The following ZMIZ1 variants were observed in gnomAD, a reference collection of about 807,000 sequenced individuals.
The protein encoded by ZMIZ1 is zinc finger MIZ-type containing 1.
Under a neutral mutation model 113.9 loss-of-function variants are expected in ZMIZ1, and 17 were observed. The observed-to-expected ratio is 0.15, with a 90% CI of 0.10 to 0.22. ZMIZ1 has a LOEUF of 0.22. ZMIZ1 is among the 10% of genes least tolerant of loss of function. The pLI is 1.00. For missense variants in ZMIZ1, 1,059 were observed against 1,477.8 expected (o/e 0.72, Z 4.65); for synonymous variants, 607 against 603.1 (o/e 1.01, Z -0.09).
At chr10:79,311,294 T>TGGGGGGGGGGGGGGG in intron 24 of ZMIZ1, 110 bp downstream of exon 24, 1 of 99,150 alleles carries the variant, frequency 1.0e-5, no homozygotes, top group Non-Finnish European at 1.9e-5. Flanking sequence ...AGGAGGTGGG[T>TGGGGGGGGGGGGGGG]GGGCGGTGGG....
At chr10:79,258,401 AGAAG>A (rs1851051076) in intron 7 of ZMIZ1, among the ~76,000 whole-genome samples, 2 of 152,252 alleles carry the variant, frequency 1.3e-5, no homozygotes, top group South Asian at 4.1e-4. Flanking sequence ...AAAAAAAAGA[AGAAG>A]AAGAAGAAAA....
chr10:79,218,607 C>G (rs4990108), intron 7 of ZMIZ1, among the ~76,000 whole-genome samples: 25,663 of 108,238 alleles, frequency 0.24, 3,027 homozygotes, highest in African/African-American at 0.4. Context: ...GTGTGTGTGT[C>G]TGTCTGTCTG....
intron 7 of ZMIZ1, among the ~76,000 whole-genome samples, chr10:79,224,874 G>A (rs914516857): frequency 6.6e-6 from 1 of 152,212 alleles, no homozygotes; most frequent in African/African-American, 2.4e-5. Context: ...GAGGAAATGA[G>A]ATGGGGAAGG....
At chr10:79,285,492 C>A in intron 8 of ZMIZ1, 1 of 456,076 alleles carries the variant, frequency 2.2e-6, no homozygotes, top group Non-Finnish European at 4.4e-6. Flanking sequence ...GCAGTGGTTT[C>A]ATCGCTTCCC....
chr10:79,301,229 C>G (rs1854279047), intron 17 of ZMIZ1, among the ~76,000 whole-genome samples: 1 of 152,198 alleles, frequency 6.6e-6, no homozygotes, highest in Non-Finnish European at 1.5e-5. Context: ...CGATTCACCC[C>G]TCCTGGCCCC....
intron 7 of ZMIZ1, among the ~76,000 whole-genome samples, chr10:79,254,889 C>T (rs1426079401): frequency 6.6e-6 from 1 of 152,208 alleles, no homozygotes; most frequent in Non-Finnish European, 1.5e-5. Context: ...CCGATGGCCC[C>T]CATCCACTCT....
chr10:79,228,026 C>A (rs1229454347), intron 7 of ZMIZ1, among the ~76,000 whole-genome samples: 1 of 152,110 alleles, frequency 6.6e-6, no homozygotes. Flanking sequence ...GCCTCTGTCT[C>A]ACCATTCCCA....
Position 79,304,186 on chromosome 10 carries a change from C to G in ZMIZ1, c.2286+11C>G. On this transcript the variant is annotated intron_variant, in intron 19 of 24. Coordinates refer to ENST00000334512, the MANE Select transcript of ZMIZ1 (RefSeq NM_020338.4). ...TGCAAGCATGTGCAGGTGAGCGGCCCCAGAAAGCACAGCTCTGGCAAGCCA... is the reference window on the plus strand; with the variant it reads ...TGCAAGCATGTGCAGGTGAGCGGCCGCAGAAAGCACAGCTCTGGCAAGCCA... The G allele has an allele frequency of 6.2e-7, 1 of 1,609,450 alleles. No individual in the cohort carries two copies. The highest frequency in any genetic ancestry group is 8.5e-7 in the Non-Finnish European group (1 of 1,176,620).
intron 7 of ZMIZ1, among the ~76,000 whole-genome samples, chr10:79,271,252 G>A (rs540781836): frequency 6.6e-6 from 1 of 152,366 alleles, no homozygotes; most frequent in South Asian, 2.1e-4. Flanking sequence ...GAGATGCAAA[G>A]TCCCAGGACC....
At chr10:79,297,006 A>G (rs985327746) in intron 13 of ZMIZ1, 9 of 201,930 alleles carry the variant, frequency 4.5e-5, no homozygotes, top group Admixed American at 2.3e-4. Context: ...GGGCACTAAC[A>G]TGTTATAAAA....
At chr10:79,079,123 C>G (rs538944981) in intron 1 of ZMIZ1, among the ~76,000 whole-genome samples, 28 of 152,210 alleles carry the variant, frequency 1.8e-4, no homozygotes, top group Non-Finnish European at 2.9e-4. Flanking sequence ...GCCTCCTTGT[C>G]TTTTCTTTTT....
intron 1 of ZMIZ1, among the ~76,000 whole-genome samples, chr10:79,116,270 T>C (rs573237334): frequency 6.6e-6 from 1 of 152,172 alleles, no homozygotes; most frequent in South Asian, 2.1e-4. Flanking sequence ...CATCACAGTA[T>C]GGCTGGGGGT....
chr10:79,269,068 C>T (rs1437808660), intron 7 of ZMIZ1, among the ~76,000 whole-genome samples: 3 of 151,988 alleles, frequency 2.0e-5, no homozygotes, highest in Admixed American at 2.0e-4. Context: ...CAGGAACTTG[C>T]GACATGTCAG....
chr10:79,223,487 G>A (rs1157497742), intron 7 of ZMIZ1, among the ~76,000 whole-genome samples: 1 of 152,290 alleles, frequency 6.6e-6, no homozygotes, highest in Non-Finnish European at 1.5e-5. Context: ...TGTCTCCACC[G>A]CCCCGGTCAG....
At chr10:79,285,331 C>A in intron 8 of ZMIZ1, 1 of 373,616 alleles carries the variant, frequency 2.7e-6, no homozygotes, top group Non-Finnish European at 5.3e-6. Flanking sequence ...GTAACAGCGG[C>A]AGCCAGCAGT....
At chr10:79,127,135 A>C (rs1844547286) in intron 2 of ZMIZ1, among the ~76,000 whole-genome samples, 1 of 152,044 alleles carries the variant, frequency 6.6e-6, no homozygotes, top group African/African-American at 2.4e-5. Context: ...GACAATATTT[A>C]TTCCTTCCCA....
At chr10:79,214,834 T>A (rs1183798918) in intron 6 of ZMIZ1, among the ~76,000 whole-genome samples, 1 of 152,226 alleles carries the variant, frequency 6.6e-6, no homozygotes, top group Non-Finnish European at 1.5e-5. Flanking sequence ...CTAATTTTGC[T>A]GCTGTTCATG....
chr10:79,305,641 A>C, intron 21 of ZMIZ1, 40 bp downstream of exon 21: 1 of 1,601,700 alleles, frequency 6.2e-7, no homozygotes, highest in South Asian at 1.1e-5. Flanking sequence ...GTGGGAGGGG[A>C]CGAGGCCTGG....
At chr10:79,081,030 C>G (rs1407417944) in intron 1 of ZMIZ1, among the ~76,000 whole-genome samples, 1 of 152,166 alleles carries the variant, frequency 6.6e-6, no homozygotes, top group African/African-American at 2.4e-5. Context: ...TACGCTATCC[C>G]CATAGAGCAC....
Sources: allele counts gnomAD v4.1 joint callset (sites outside exome capture counted in the v4.1 genomes callset), GRCh38; gene constraint gnomAD v4.1.1; transcripts MANE v1.5; gene names NCBI Gene and HGNC (gene_info 2026-07-23, HGNC 2026-07-21).